The following MED1 variants were observed in gnomAD, a reference collection of about 807,000 sequenced individuals.
MED1 encodes the protein mediator complex subunit 1, also known as mediator of RNA polymerase II transcription subunit 1.
A neutral mutation model predicts 121.3 loss-of-function variants in MED1; 17 were observed. That is an observed-to-expected ratio of 0.14 (90% confidence interval 0.10 to 0.21). The LOEUF (loss-of-function observed/expected upper bound fraction) is 0.21, where lower values mean the gene tolerates loss of function less well. Among genes scored for constraint, MED1 ranks in the 10% least tolerant of loss-of-function variants. The probability of loss-of-function intolerance (pLI) is 1.00; values close to 1 mark genes in which losing one functional copy is unlikely to be tolerated. For missense variants in MED1, 1,558 were observed against 1,919.4 expected, an observed-to-expected ratio of 0.81 and a Z score of 3.52; for synonymous variants, 661 against 694.4, an observed-to-expected ratio of 0.95 and a Z score of 0.76.
At chr17:39,438,082 T>C (rs2048636748) in intron 6 of MED1, among the ~76,000 whole-genome samples, 1 of 150,982 alleles carries the variant, frequency 6.6e-6, no homozygotes, top group Admixed American at 6.6e-5. Flanking sequence ...GGGTCCAGCA[T>C]GGTGGCTCAC....
chr17:39,444,812 T>C (rs562733642), intron 2 of MED1, among the ~76,000 whole-genome samples: 265 of 152,104 alleles, frequency 1.7e-3, no homozygotes, highest in African/African-American at 6.3e-3. Context: ...GAGGTTGCAG[T>C]GAGCCAAGAC....
At chr17:39,419,615 T>TAA (rs2048442563) in intron 14 of MED1, 102 bp downstream of exon 14, 5 of 1,263,796 alleles carry the variant, frequency 4.0e-6, no homozygotes, top group Non-Finnish European at 4.4e-6. Context: ...AAAAAAAACT[T>TAA]TTTTTAAGTT....
rs746279825 is a variant in MED1 at position 39,409,444 on chromosome 17, G to A, written c.2777C>T (p.Ala926Val). The A allele has an allele frequency of 5.6e-6, 9 of 1,614,116 alleles. No homozygotes were observed. The highest frequency in any genetic ancestry group is 7.6e-6 in the Non-Finnish European group (9 of 1,180,038). ...GETKFKGNNQ[A>V]DTVDFSIISV... ...AATAATACTGAAATCAACTGTGTCG[G>A]CTTGGTTATTGCCCTTAAACTTGGT... The change falls in exon 17 of 17, where the codon GCC becomes GTC. Residue 926 changes from alanine (A) to valine (V), a missense_variant. Transcript: ENST00000300651.
chr17:39,432,753 C>CAA (rs917371473), intron 7 of MED1, among the ~76,000 whole-genome samples: 2 of 132,984 alleles, frequency 1.5e-5, no homozygotes, highest in African/African-American at 5.7e-5. Context: ...ACTCTGTCTC[C>CAA]AAAAAAAAAC....
chr17:39,443,307 G>T (rs558246657), intron 3 of MED1, among the ~76,000 whole-genome samples: 1 of 151,758 alleles, frequency 6.6e-6, no homozygotes, highest in South Asian at 2.1e-4. Context: ...GCCTCCCCAG[G>T]TATCTTATAT....
chr17:39,431,278 T>C lies in MED1; in HGVS notation c.576-90A>G, dbSNP rs911312656. On this transcript the variant is annotated intron_variant, in intron 8 of 16. Transcript: ENST00000300651. ...TATTGAGTTCACCTCTCCGAAGTCT[T>C]GTCTTTTTTTTTTTTTGAGACGGAG... 48 of 1,060,816 alleles carry C rather than the reference T, an allele frequency of 4.5e-5. No homozygotes were observed. The African/African-American group carries it at 8.7e-4, about 19-fold the overall frequency. 65.7% of individuals were successfully genotyped at this position (1,060,816 alleles called of 1,614,324 possible).
chr17:39,414,754 C>T (rs2048392137), intron 16 of MED1, among the ~76,000 whole-genome samples: 1 of 148,952 alleles, frequency 6.7e-6, no homozygotes, highest in Non-Finnish European at 1.5e-5. Flanking sequence ...ACTGCAACCT[C>T]CACCTCCCAG....
intron 2 of MED1, among the ~76,000 whole-genome samples, chr17:39,443,918 C>T (rs2048702486): frequency 6.6e-6 from 1 of 151,978 alleles, no homozygotes; most frequent in African/African-American, 2.4e-5. Context: ...CACTTGAGTC[C>T]AGGAGTTCGA....
At chr17:39,416,080 C>CT (rs1213831737) in intron 14 of MED1, among the ~76,000 whole-genome samples, 1 of 151,784 alleles carries the variant, frequency 6.6e-6, no homozygotes, top group Non-Finnish European at 1.5e-5. Flanking sequence ...AAATCGCACA[C>CT]TTTTTTCACA....
chr17:39,442,907 A>G (rs1210914290), intron 3 of MED1, among the ~76,000 whole-genome samples: 19 of 127,154 alleles, frequency 1.5e-4, no homozygotes, highest in Admixed American at 2.9e-4. Flanking sequence ...CTCCATCTCA[A>G]AAAAAAAAAA....
chr17:39,405,517 T>G lies in MED1; in HGVS notation c.*1958A>C. On this transcript the variant is annotated 3_prime_UTR_variant, in exon 17 of 17. Coordinates refer to ENST00000300651, the MANE Select transcript of MED1 (RefSeq NM_004774.4). ...TAGGATTCAAAACTAGGTGACAAACTCATGAGAAATCCAACCTGGCTGAAT... is the reference window on the plus strand; with the variant it reads ...TAGGATTCAAAACTAGGTGACAAACGCATGAGAAATCCAACCTGGCTGAAT... 1 of 1,379,916 alleles carries G rather than the reference T, an allele frequency of 7.2e-7. No homozygotes were observed. Among genetic ancestry groups the G allele is most frequent in the South Asian group, 1.8e-5 (1 of 57,078 alleles). 85.5% of individuals were successfully genotyped at this position (1,379,916 alleles called of 1,614,324 possible).
intron 13 of MED1, among the ~76,000 whole-genome samples, chr17:39,422,554 G>A (rs1251577452): frequency 1.5e-5 from 2 of 132,848 alleles, no homozygotes; most frequent in African/African-American, 3.0e-5. Flanking sequence ...TTGGCTCACT[G>A]CAACCTCTGC....
chr17:39,409,381 A>C lies in MED1; in HGVS notation c.2840T>G (p.Met947Arg), dbSNP rs775665964. ...AGKALAPADL[M>R]EHHSGSQGPL... ...ACCCTGACTACCACTGTGATGCTCC[A>C]TAAGATCTGCAGGAGCTAAAGCTTT... is the stretch of plus-strand genomic sequence containing the variant. Residue 947 changes from methionine to arginine, a missense_variant, in exon 17 of 17, where the codon ATG (methionine) becomes AGG (arginine). Physicochemically the swap from Met to Arg is moderately conservative, Grantham distance 91. Transcript: ENST00000300651. 2 of 1,614,066 alleles carry C rather than the reference A, an allele frequency of 1.2e-6. No homozygotes were observed. Among genetic ancestry groups the C allele is most frequent in the East Asian group, 2.2e-5 (1 of 44,886 alleles).
chr17:39,410,139 T>A lies in MED1; in HGVS notation c.2082A>T (p.Arg694Ser). Residue 694 changes from arginine (R) to serine (S), a missense_variant, in exon 17 of 17, where the codon AGA becomes AGT. Physicochemically the swap from Arg to Ser is moderately radical, Grantham distance 110. Transcript: ENST00000300651. The stretch of plus-strand genomic sequence containing the variant: ...GGTGCTTTGGTTTCTCAGGTGGTAA[T>A]CTTGATGACTTCTTTTTCTTGGTCT... ...SNKTKKKKSS[R>S]LPPEKPKHQT... 1 of 1,614,166 alleles carries A rather than the reference T, an allele frequency of 6.2e-7. No individual in the cohort carries two copies. The highest frequency in any genetic ancestry group is 2.2e-5 in the East Asian group (1 of 44,884).
At chr17:39,410,792 ACAT>A in intron 16 of MED1, 71 bp from the exon 17 acceptor site, 1 of 1,516,760 alleles carries the variant, frequency 6.6e-7, no homozygotes, top group Non-Finnish European at 8.8e-7. Flanking sequence ...TTTAGATATA[ACAT>A]CAGAGTTTTG....
At chr17:39,420,791 A>ATTT (rs71147330) in intron 13 of MED1, among the ~76,000 whole-genome samples, 65 of 109,846 alleles carry the variant, frequency 5.9e-4, no homozygotes, top group Non-Finnish European at 8.5e-4. Flanking sequence ...ACATGTGCCT[A>ATTT]TTTTTTTTTT....
chr17:39,436,029 G>A (rs2048615094), intron 6 of MED1, among the ~76,000 whole-genome samples: 2 of 151,406 alleles, frequency 1.3e-5, no homozygotes, highest in South Asian at 4.2e-4. Context: ...CCGAGATTGC[G>A]CCACTGTACT....
In MED1 at chr17:39,423,461, T is replaced by A; in HGVS notation, c.977-16A>T. On this transcript the variant is annotated splice_polypyrimidine_tract_variant and intron_variant, in intron 12 of 16. Coordinates refer to ENST00000300651, the MANE Select transcript of MED1 (RefSeq NM_004774.4). The stretch of plus-strand genomic sequence containing the variant: ...AATGGAATTCCTGGAAAAACAAGAA[T>A]CAATATAATGATCATGTTAAGATGA... 1 of 1,571,180 alleles carries A rather than the reference T, an allele frequency of 6.4e-7. No homozygotes were observed. Among genetic ancestry groups the A allele is most frequent in the Non-Finnish European group, 8.8e-7 (1 of 1,141,438 alleles).
At chr17:39,435,169 A>C (rs10445306) in intron 6 of MED1, among the ~76,000 whole-genome samples, 1 of 151,798 alleles carries the variant, frequency 6.6e-6, no homozygotes, top group South Asian at 2.1e-4. Flanking sequence ...CTGTGTGTCA[A>C]AAAAAGAAAA....
Sources: allele counts gnomAD v4.1 joint callset (sites outside exome capture counted in the v4.1 genomes callset), GRCh38; gene constraint gnomAD v4.1.1; transcripts MANE v1.5; gene names NCBI Gene and HGNC (gene_info 2026-07-23, HGNC 2026-07-21).